The following UBOX5 variants were observed in gnomAD, a reference collection of about 807,000 sequenced individuals.
UBOX5 encodes U-box domain containing 5, also known as RING finger protein 37.
Under a neutral mutation model 39.0 loss-of-function variants are expected in UBOX5, and 28 were observed. The observed-to-expected ratio is 0.72, with a 90% CI of 0.53 to 0.98. The LOEUF (loss-of-function observed/expected upper bound fraction) is 0.98, where lower values mean the gene tolerates loss of function less well. Ranked by LOEUF, UBOX5 falls within the 50% of genes least tolerant of loss-of-function variation. The pLI, the probability that UBOX5 is intolerant of heterozygous loss-of-function variation, is 0.00. For synonymous variants in UBOX5, 283 were observed against 275.5 expected (o/e 1.03, Z -0.27); for missense variants, 585 against 674.4 (o/e 0.87, Z 1.47).
At chr20:3,112,780 C>T (rs368815950) in intron 4 of UBOX5, among the ~76,000 whole-genome samples, 2 of 152,042 alleles carry the variant, frequency 1.3e-5, no homozygotes, top group African/African-American at 4.8e-5. Flanking sequence ...GCCTGACCAA[C>T]ATAGCGAAAC....
At chr20:3,136,691 T>C (rs1444393566) in intron 1 of UBOX5, among the ~76,000 whole-genome samples, 1 of 151,406 alleles carries the variant, frequency 6.6e-6, no homozygotes, top group Non-Finnish European at 1.5e-5. Context: ...AGTCTTGTTC[T>C]GTTGCCCAGG....
At chr20:3,148,406 T>C in intron 1 of UBOX5, 14 of 1,614,158 alleles carry the variant, frequency 8.7e-6, no homozygotes, top group Middle Eastern at 3.3e-4. Context: ...TAGCATTGAA[T>C]GGGAGTGAGG....
intron 4 of UBOX5, among the ~76,000 whole-genome samples, chr20:3,111,428 C>T (rs1371087785): frequency 6.6e-6 from 1 of 152,184 alleles, no homozygotes; most frequent in African/African-American, 2.4e-5. Flanking sequence ...TCCAATGACC[C>T]ACCTATGTAA....
At chr20:3,120,476 G>A (rs1245631774) in intron 3 of UBOX5, among the ~76,000 whole-genome samples, 3 of 149,724 alleles carry the variant, frequency 2.0e-5, no homozygotes, top group Non-Finnish European at 4.4e-5. Flanking sequence ...GTGAAACCCC[G>A]TCTTTACTAA....
intron 1 of UBOX5, among the ~76,000 whole-genome samples, chr20:3,132,117 C>T (rs1341966728): frequency 2.6e-5 from 4 of 151,872 alleles, no homozygotes; most frequent in African/African-American, 9.7e-5. Context: ...CGAGACCAGC[C>T]TTGCCAACAT....
In UBOX5 at chr20:3,147,421, C is replaced by T. The variant is rs754511650; in HGVS notation, c.-42+12345G>A. ...ATTCAGGCTTTGAATTCATATCCTT[C>T]TCTGCTAAATACCACAGCAATTCAG... On this transcript the variant is annotated intron_variant, in intron 1 of 4. Coordinates refer to ENST00000217173, the MANE Select transcript of UBOX5 (RefSeq NM_014948.4). The T allele has an allele frequency of 5.0e-6, 8 of 1,614,086 alleles. No homozygotes were observed. In the African/African-American group the frequency reaches 1.1e-4, roughly 22 times the overall value.
rs1479043009 is a variant in UBOX5 at position 3,132,021 on chromosome 20, A to AC, written c.-41-8616_-41-8615insG. ...AGACACTGTCTCAAAAAAAAAAAAA[A>AC]AAAAAAAACTGGGCGTGGTGGTTCA... On this transcript the variant is annotated intron_variant, in intron 1 of 4. Coordinates refer to ENST00000217173, the MANE Select transcript of UBOX5 (RefSeq NM_014948.4). Among the ~76,000 whole-genome samples, 26 of 139,646 alleles carry AC rather than the reference A, an allele frequency of 1.9e-4. 2 individuals carry two copies. Among genetic ancestry groups the AC allele is most frequent in the Admixed American group, 1.8e-3 (25 of 13,706 alleles). The allele number at this position is 139,646 out of a possible 152,430, so 91.6% of individuals were successfully genotyped here. A position where few individuals can be genotyped will look rare whatever the true frequency, so the allele number is the denominator to read the frequency against.
chr20:3,148,282 G>C (rs755994940), intron 1 of UBOX5: 2 of 1,611,614 alleles, frequency 1.2e-6, no homozygotes, highest in East Asian at 4.5e-5. Context: ...TAGAAAAAAT[G>C]TTTAAAAACC....
Position 3,121,673 on chromosome 20 carries a change from G to T in UBOX5, c.966C>A (p.Pro322=), listed in dbSNP as rs201820194. Residue 322 remains proline (P), a synonymous_variant, in exon 3 of 5, where the codon CCC becomes CCA. Coordinates refer to ENST00000217173, the MANE Select transcript of UBOX5 (RefSeq NM_014948.4). ...AATGGTCAATCCGGGCCTTGAGGGAGGGGTGAGGCAGGGGCTGAGAGTGCG... is the reference window on the plus strand; with the variant it reads ...AATGGTCAATCCGGGCCTTGAGGGATGGGTGAGGCAGGGGCTGAGAGTGCG... ...FTPHSQPLPH[P]SLKARIDHFL... 4 of 1,613,818 alleles carry T rather than the reference G, an allele frequency of 2.5e-6. No homozygotes were observed. The East Asian group carries it at 8.9e-5, about 36-fold the overall frequency.
At chr20:3,146,634 T>C (rs1215313145) in intron 1 of UBOX5, 1 of 947,116 alleles carries the variant, frequency 1.1e-6, no homozygotes, top group Admixed American at 2.4e-5. Flanking sequence ...ATACACTAGC[T>C]CTAACCTGCC....
At position 3,110,238 on chromosome 20, in the gene UBOX5, C is replaced by A. The variant is rs34606078; in HGVS notation, c.1494G>T (p.Pro498=). The A allele has an allele frequency of 0.013, 21,687 of 1,614,068 alleles. 164 individuals are homozygous for A. Among genetic ancestry groups the A allele is most frequent in the Non-Finnish European group, 0.014 (16,963 of 1,180,014 alleles). Residue 498 remains proline, a synonymous_variant, in exon 5 of 5, where the codon CCG becomes CCT. Coordinates refer to ENST00000217173, the MANE Select transcript of UBOX5 (RefSeq NM_014948.4). ...GGTGGCCGCAGGGCAGCTGGTACAC[C>A]GGCTCCTTTTTGAAGTAGGGAGAAA... ...RVFSPYFKKE[P]VYQLPCGHLL... is the part of the protein sequence containing the mutation.
chr20:3,127,928 G>T (rs115867681), intron 1 of UBOX5, among the ~76,000 whole-genome samples: 103 of 152,268 alleles, frequency 6.8e-4, no homozygotes, highest in African/African-American at 2.1e-3. Flanking sequence ...CTGGCCTAAA[G>T]CCTCCTGTTC....
intron 1 of UBOX5, among the ~76,000 whole-genome samples, chr20:3,155,192 T>C (rs1288181492): frequency 1.3e-5 from 2 of 151,944 alleles, no homozygotes; most frequent in African/African-American, 2.4e-5. Flanking sequence ...CCAGGAGTTC[T>C]AGACCAGCCT....
At chr20:3,112,695 T>C (rs1159809849) in intron 4 of UBOX5, among the ~76,000 whole-genome samples, 2 of 152,186 alleles carry the variant, frequency 1.3e-5, no homozygotes, top group South Asian at 2.1e-4. Context: ...GGCTCACACC[T>C]GTAATCCCAG....
rs1600413632 is a variant in UBOX5 at position 3,149,143 on chromosome 20, T to C, written c.-42+10623A>G. 3 of 1,503,134 alleles carry C rather than the reference T, an allele frequency of 2.0e-6. No individual in the cohort carries two copies. The highest frequency in any genetic ancestry group is 4.5e-5 in the East Asian group (2 of 44,072). 93.1% of individuals were successfully genotyped at this position (1,503,134 alleles called of 1,614,324 possible). ...AGATTTGACCAGGCAATTTCTTGTT[T>C]ATATGGTGCTTGATTAGAGCTGGAC... On this transcript the variant is annotated intron_variant, in intron 1 of 4. Transcript: ENST00000217173. The surrounding 1 kb of genome is among the most constrained non-coding windows in gnomAD (Gnocchi z 4.1).
In UBOX5 at chr20:3,132,289, AAC is replaced by A. The variant is rs558627498; in HGVS notation, c.-41-8885_-41-8884del. ...CACGCCACTGCACTCCAGCCTGGAC[AAC>A]AGAGTGAGACCCTGTCTCAAAACAA... On this transcript the variant is annotated intron_variant, in intron 1 of 4. Coordinates refer to ENST00000217173, the MANE Select transcript of UBOX5 (RefSeq NM_014948.4). 3.9e-3 allele frequency among the ~76,000 whole-genome samples: 592 copies of A among 152,136 alleles called. 1 individual carries two copies. Among genetic ancestry groups the A allele is most frequent in the African/African-American group, 0.013 (560 of 41,526 alleles).
At chr20:3,129,541 C>T (rs966884298) in intron 1 of UBOX5, among the ~76,000 whole-genome samples, 2 of 152,140 alleles carry the variant, frequency 1.3e-5, no homozygotes, top group Non-Finnish European at 2.9e-5. Flanking sequence ...CCAGCCACAA[C>T]CATCACCACC....
intron 3 of UBOX5, among the ~76,000 whole-genome samples, chr20:3,115,753 C>CTTTT (rs11481933): frequency 5.9e-4 from 52 of 87,944 alleles, no homozygotes; most frequent in East Asian, 7.9e-4. Context: ...CTGCACGCTC[C>CTTTT]TTTTTTTTTT....
At chr20:3,135,155 A>T (rs2066459885) in intron 1 of UBOX5, among the ~76,000 whole-genome samples, 1 of 152,128 alleles carries the variant, frequency 6.6e-6, no homozygotes, top group Non-Finnish European at 1.5e-5. Flanking sequence ...AAATTTTTTT[A>T]AAAAAACGTT....
Sources: allele counts gnomAD v4.1 joint callset (sites outside exome capture counted in the v4.1 genomes callset), GRCh38; gene constraint gnomAD v4.1.1; non-coding constraint Gnocchi (gnomAD v3.1); transcripts MANE v1.5; gene names NCBI Gene and HGNC (gene_info 2026-07-23, HGNC 2026-07-21).